Variants in SLCO2A1 observed in about 807,000 individuals in gnomAD.
The protein encoded by SLCO2A1 is matrin F/G 1.
A neutral mutation model predicts 71.7 loss-of-function variants in SLCO2A1; 60 were observed. That is an observed-to-expected ratio of 0.84 (90% CI 0.68 to 1.04). SLCO2A1 has a LOEUF of 1.04. Among genes scored for constraint, SLCO2A1 ranks in the 50% least tolerant of loss-of-function variants. The pLI is 0.00. For synonymous variants in SLCO2A1, 308 were observed against 326.7 expected (o/e 0.94, Z 0.62); for missense variants, 745 against 813.4 (o/e 0.92, Z 1.02).
chr3:133,979,739 T>G, intron 1 of SLCO2A1, 121 bp from the exon 2 acceptor site: 1 of 1,093,224 alleles, frequency 9.1e-7, no homozygotes, highest in Non-Finnish European at 1.3e-6. Context: ...CTAGGAGCAG[T>G]TACTTCCCAG....
At chr3:133,969,740 G>C (rs1448377449) in intron 3 of SLCO2A1, among the ~76,000 whole-genome samples, 1 of 152,132 alleles carries the variant, frequency 6.6e-6, no homozygotes, top group Non-Finnish European at 1.5e-5. Context: ...CCATTTTATA[G>C]GTAAGGAAAC....
rs1559925213 is a variant in SLCO2A1 at position 133,932,993 on chromosome 3, A to T, written c.*1720T>A. ...TGGCTTTGGAAATAAGCTTGTCTGT[A>T]ACAGTGGTTTCCACAAAGACTTCAG... is the stretch of plus-strand genomic sequence containing the variant. On this transcript the variant is annotated 3_prime_UTR_variant, in exon 14 of 14. Transcript: ENST00000310926. The T allele has an allele frequency of 6.6e-6, 1 of 152,668 alleles. No individual in the cohort carries two copies. The highest frequency in any genetic ancestry group is 1.9e-4 in the East Asian group (1 of 5,200). The allele number at this position is 152,668 out of a possible 1,614,324, so 9.5% of individuals were successfully genotyped here. A position where few individuals can be genotyped will look rare whatever the true frequency, so the allele number is the denominator to read the frequency against.
chr3:133,935,998 G>T, intron 12 of SLCO2A1, 101 bp from the exon 13 acceptor site: 1 of 1,277,102 alleles, frequency 7.8e-7, no homozygotes, highest in Admixed American at 2.9e-5. Flanking sequence ...ACATACATGA[G>T]AACGGCTCTG....
At position 133,979,455 on chromosome 3, in the gene SLCO2A1, C is replaced by G. The variant is rs1468634298; in HGVS notation, c.234+26G>C. The G allele has an allele frequency of 3.1e-6, 5 of 1,614,106 alleles. No homozygotes were observed. In the South Asian group the frequency reaches 5.5e-5, roughly 18 times the overall value. On this transcript the variant is annotated intron_variant, in intron 2 of 13. Coordinates refer to ENST00000310926, the MANE Select transcript of SLCO2A1 (RefSeq NM_005630.3). ...GGTCAGCGTGGTGCACAAGTGGAGT[C>G]TGATGGACCAGAACCTCCTGCTCAC...
intron 1 of SLCO2A1, among the ~76,000 whole-genome samples, chr3:134,020,627 C>T (rs191297934): frequency 3.3e-4 from 51 of 152,370 alleles, no homozygotes; most frequent in Non-Finnish European, 5.7e-4. Flanking sequence ...TTGCCCACTC[C>T]GTTTGAGTGG....
Position 133,953,724 on chromosome 3 carries a change from G to A in SLCO2A1, c.663C>T (p.Phe221=), listed in dbSNP as rs746311199. The change falls in exon 5 of 14, where the codon TTC becomes TTT. Residue 221 remains phenylalanine (F), a synonymous_variant. Coordinates refer to ENST00000310926, the MANE Select transcript of SLCO2A1 (RefSeq NM_005630.3). ...GCATGACAGAGCCCAGCAGGTACCC[G>A]AAAGCCGGTCCAAATACAGAGATGG... ...LFAISVFGPA[F]GYLLGSVMLQ... 36 of 1,614,140 alleles carry A rather than the reference G, an allele frequency of 2.2e-5. No individual in the cohort carries two copies. Among genetic ancestry groups the A allele is most frequent in the Admixed American group, 1.2e-4 (7 of 60,026 alleles).
chr3:133,978,034 A>G (rs552346702), intron 2 of SLCO2A1, among the ~76,000 whole-genome samples: 76 of 152,304 alleles, frequency 5.0e-4, no homozygotes, highest in Non-Finnish European at 8.4e-4. Flanking sequence ...AGGAGGTCTC[A>G]GGCCAGCAGG....
intron 1 of SLCO2A1, among the ~76,000 whole-genome samples, chr3:134,022,626 A>G (rs887774821): frequency 6.6e-5 from 10 of 152,212 alleles, no homozygotes; most frequent in African/African-American, 2.4e-4. Flanking sequence ...AAGAGTCTAT[A>G]AAATCTTACC....
At chr3:133,984,376 A>G (rs1026245744) in intron 1 of SLCO2A1, among the ~76,000 whole-genome samples, 1 of 152,108 alleles carries the variant, frequency 6.6e-6, no homozygotes, top group Non-Finnish European at 1.5e-5. Flanking sequence ...TGGGTGCCTC[A>G]TGGGGGCCCT....
At chr3:134,018,947 G>A (rs1935515607) in intron 1 of SLCO2A1, among the ~76,000 whole-genome samples, 1 of 152,178 alleles carries the variant, frequency 6.6e-6, no homozygotes, top group South Asian at 2.1e-4. Context: ...CCTGAAAGCT[G>A]CCACATTCTG....
intron 11 of SLCO2A1, among the ~76,000 whole-genome samples, chr3:133,940,463 G>A (rs867022333): frequency 6.6e-6 from 1 of 152,126 alleles, no homozygotes; most frequent in Non-Finnish European, 1.5e-5. Context: ...TGTTCTTCAC[G>A]ACCTCCTTGT....
At chr3:134,006,028 A>G (rs1935207150) in intron 1 of SLCO2A1, among the ~76,000 whole-genome samples, 1 of 152,236 alleles carries the variant, frequency 6.6e-6, no homozygotes, top group South Asian at 2.1e-4. Flanking sequence ...ATTGTGATAA[A>G]ATGTGTGTAA....
At chr3:133,986,069 T>C (rs1299391780) in intron 1 of SLCO2A1, among the ~76,000 whole-genome samples, 2 of 152,246 alleles carry the variant, frequency 1.3e-5, no homozygotes, top group Non-Finnish European at 2.9e-5. Flanking sequence ...TTTGTGGTGG[T>C]ATTTATACAG....
chr3:133,967,486 A>T (rs537878896), intron 3 of SLCO2A1, among the ~76,000 whole-genome samples: 7 of 152,098 alleles, frequency 4.6e-5, no homozygotes, highest in African/African-American at 1.7e-4. Context: ...TCATTTCTCC[A>T]TGTTTATTTC....
chr3:134,019,255 T>C (rs911343426), intron 1 of SLCO2A1, among the ~76,000 whole-genome samples: 8 of 152,216 alleles, frequency 5.3e-5, no homozygotes, highest in Non-Finnish European at 8.8e-5. Flanking sequence ...CAATGCCTTG[T>C]TTTCCTCATT....
intron 3 of SLCO2A1, among the ~76,000 whole-genome samples, chr3:133,959,511 G>A (rs1205879108): frequency 6.6e-6 from 1 of 151,988 alleles, no homozygotes; most frequent in African/African-American, 2.4e-5. Context: ...AAGAAGGGTG[G>A]TTCCTCAAAA....
intron 1 of SLCO2A1, among the ~76,000 whole-genome samples, chr3:134,023,566 T>C (rs1935639867): frequency 6.6e-6 from 1 of 152,204 alleles, no homozygotes; most frequent in South Asian, 2.1e-4. Flanking sequence ...ATGCCATAGT[T>C]GGTCCAATGT....
At chr3:133,990,174 A>C (rs1934808484) in intron 1 of SLCO2A1, among the ~76,000 whole-genome samples, 1 of 152,254 alleles carries the variant, frequency 6.6e-6, no homozygotes, top group Non-Finnish European at 1.5e-5. Context: ...GCAGTTGACC[A>C]TCTGTCTTCC....
intron 1 of SLCO2A1, among the ~76,000 whole-genome samples, chr3:134,024,458 G>A (rs1338926188): frequency 6.6e-6 from 1 of 152,220 alleles, no homozygotes; most frequent in African/African-American, 2.4e-5. Flanking sequence ...CTTTTCATGA[G>A]TTAAAAGAAA....
Sources: gnomAD v4.1 joint callset for allele counts (sites outside exome capture counted in the v4.1 genomes callset) on GRCh38, gnomAD v4.1.1 for gene constraint, MANE v1.5 for transcripts, NCBI Gene and HGNC (gene_info 2026-07-23, HGNC 2026-07-21) for gene names.